Variants in LRRC4C observed in about 807,000 individuals in gnomAD.
The protein encoded by LRRC4C is leucine-rich repeat-containing protein 4C.
LRRC4C carries 5 observed loss-of-function variants against 33.6 expected under a neutral mutation model. That is an observed-to-expected ratio of 0.15 (90% CI 0.08 to 0.31). LRRC4C has a LOEUF of 0.31. LRRC4C is among the 10% of genes least tolerant of loss of function. The pLI is 1.00. For missense variants in LRRC4C, 560 were observed against 796.7 expected (o/e 0.70, Z 3.58); for synonymous variants, 329 against 302.0 (o/e 1.09, Z -0.93).
chr11:40,869,032 A>G (rs1216573658), intron 2 of LRRC4C, among the ~76,000 whole-genome samples: 2 of 152,234 alleles, frequency 1.3e-5, no homozygotes, highest in Non-Finnish European at 2.9e-5. Flanking sequence ...TTTTAAACAC[A>G]GTATCTCATT....
At chr11:40,861,490 T>A (rs1327914991) in intron 2 of LRRC4C, among the ~76,000 whole-genome samples, 2 of 152,142 alleles carry the variant, frequency 1.3e-5, no homozygotes, top group East Asian at 3.9e-4. Flanking sequence ...ATGGATGAGG[T>A]TTATGGAAAA....
At chr11:41,303,082 C>CCTCTCT (rs1164793079) in intron 1 of LRRC4C, among the ~76,000 whole-genome samples, 9 of 68,560 alleles carry the variant, frequency 1.3e-4, no homozygotes, top group Non-Finnish European at 1.8e-4. Context: ...TGCATTAGTC[C>CCTCTCT]CTCTCCCTCT....
intron 1 of LRRC4C, among the ~76,000 whole-genome samples, chr11:41,225,542 T>C (rs906634233): frequency 1.4e-4 from 21 of 152,260 alleles, no homozygotes; most frequent in African/African-American, 4.8e-4. Context: ...CTCACACCTG[T>C]AATCCCAGCA....
chr11:41,156,225 C>T (rs1022684547), intron 1 of LRRC4C, among the ~76,000 whole-genome samples: 2 of 152,152 alleles, frequency 1.3e-5, no homozygotes, highest in African/African-American at 2.4e-5. Flanking sequence ...GATATTATTA[C>T]ACTGAAAGAC....
At chr11:40,926,263 G>A (rs934954640) in intron 2 of LRRC4C, among the ~76,000 whole-genome samples, 1 of 152,052 alleles carries the variant, frequency 6.6e-6, no homozygotes, top group Non-Finnish European at 1.5e-5. Context: ...TGTGACCTCC[G>A]TGCTCCATGT....
chr11:40,217,197 C>G (rs1864041064), intron 5 of LRRC4C, among the ~76,000 whole-genome samples: 1 of 151,986 alleles, frequency 6.6e-6, no homozygotes, highest in African/African-American at 2.4e-5. Context: ...TTACTCTGTT[C>G]TAAGCATTGT....
intron 4 of LRRC4C, among the ~76,000 whole-genome samples, chr11:40,252,134 T>A (rs1054611571): frequency 6.6e-6 from 1 of 152,022 alleles, no homozygotes; most frequent in Non-Finnish European, 1.5e-5. Flanking sequence ...GTGGCAACAT[T>A]ACTGACCATG....
intron 5 of LRRC4C, among the ~76,000 whole-genome samples, chr11:40,190,807 GA>G (rs879386356): frequency 6.6e-6 from 1 of 151,962 alleles, no homozygotes; most frequent in Non-Finnish European, 1.5e-5. Flanking sequence ...TACAGAATAA[GA>G]AAAAAAGTGA....
intron 4 of LRRC4C, among the ~76,000 whole-genome samples, chr11:40,259,772 T>C (rs1244908232): frequency 2.0e-5 from 3 of 152,118 alleles, no homozygotes; most frequent in African/African-American, 7.2e-5. Flanking sequence ...TTGATCTATA[T>C]CTCTGTTTTG....
intron 2 of LRRC4C, among the ~76,000 whole-genome samples, chr11:40,874,168 T>C (rs1054412501): frequency 6.6e-6 from 1 of 152,196 alleles, no homozygotes; most frequent in Non-Finnish European, 1.5e-5. Context: ...TGTACAAGTT[T>C]ATAAAGATTT....
rs558810949 is a variant in LRRC4C at position 40,717,669 on chromosome 11, G to A, written c.-406-69391C>T. ...TAAAACCTGTACACAGGTTTACCCCGTGTAGTCTTCTCAGCCACCTGACCA... is the reference window on the plus strand; with the variant it reads ...TAAAACCTGTACACAGGTTTACCCCATGTAGTCTTCTCAGCCACCTGACCA... On this transcript the variant is annotated intron_variant, in intron 2 of 6. Transcript: ENST00000528697. Among the ~76,000 whole-genome samples the A allele has an allele frequency of 5.3e-5, 8 of 152,170 alleles. No individual in the cohort carries two copies. The South Asian group carries it at 1.2e-3, about 24-fold the overall frequency.
intron 1 of LRRC4C, among the ~76,000 whole-genome samples, chr11:41,101,474 T>C (rs1384768083): frequency 1.3e-5 from 2 of 152,162 alleles, no homozygotes; most frequent in Non-Finnish European, 2.9e-5. Context: ...GGAGAATGGC[T>C]GTTATTAAAA....
intron 1 of LRRC4C, among the ~76,000 whole-genome samples, chr11:40,995,284 A>G (rs1210460134): frequency 6.6e-6 from 1 of 152,090 alleles, no homozygotes; most frequent in Non-Finnish European, 1.5e-5. Context: ...GTCATCCCAG[A>G]GGGAATACCT....
At chr11:41,308,558 A>G (rs1950564638) in intron 1 of LRRC4C, among the ~76,000 whole-genome samples, 1 of 152,144 alleles carries the variant, frequency 6.6e-6, no homozygotes, top group Non-Finnish European at 1.5e-5. Context: ...AGAAAGCCAA[A>G]TCAGGCACAA....
intron 1 of LRRC4C, among the ~76,000 whole-genome samples, chr11:41,171,281 G>C (rs1384653254): frequency 6.6e-6 from 1 of 152,126 alleles, no homozygotes; most frequent in Non-Finnish European, 1.5e-5. Context: ...TGTAAATCAT[G>C]CTGCTTTAAA....
At chr11:41,178,654 G>A (rs1043924386) in intron 1 of LRRC4C, among the ~76,000 whole-genome samples, 1 of 152,136 alleles carries the variant, frequency 6.6e-6, no homozygotes, top group Non-Finnish European at 1.5e-5. Flanking sequence ...ACGTTGCCTA[G>A]CCCCAGACTT....
intron 1 of LRRC4C, among the ~76,000 whole-genome samples, chr11:41,001,027 A>C (rs1000631406): frequency 1.3e-5 from 2 of 152,198 alleles, no homozygotes; most frequent in Non-Finnish European, 2.9e-5. Flanking sequence ...AAAGTATAGA[A>C]AAATAAATTA....
intron 1 of LRRC4C, among the ~76,000 whole-genome samples, chr11:40,952,031 G>T (rs180928860): frequency 1.3e-5 from 2 of 151,278 alleles, no homozygotes; most frequent in South Asian, 2.1e-4. Context: ...TGAAATATTA[G>T]ATTTTTTTTT....
chr11:40,378,106 A>G (rs1021156583), intron 3 of LRRC4C, among the ~76,000 whole-genome samples: 1 of 152,048 alleles, frequency 6.6e-6, no homozygotes, highest in African/African-American at 2.4e-5. Flanking sequence ...CTTGAGCATT[A>G]TACTCTAAAT....
Sources: allele counts gnomAD v4.1 joint callset (sites outside exome capture counted in the v4.1 genomes callset), GRCh38; gene constraint gnomAD v4.1.1; transcripts MANE v1.5; gene names NCBI Gene and HGNC (gene_info 2026-07-23, HGNC 2026-07-21).